Variants in PAFAH1B2 observed in about 807,000 individuals in gnomAD.
PAFAH1B2 encodes platelet-activating factor acetylhydrolase IB subunit alpha2.
PAFAH1B2 carries 8 observed loss-of-function variants against 28.0 expected under a neutral mutation model. That is an observed-to-expected ratio of 0.29 (90% CI 0.17 to 0.52). The LOEUF is 0.52. PAFAH1B2 is among the 20% of genes least tolerant of loss of function. The probability of loss-of-function intolerance (pLI) is 0.97; values close to 1 mark genes in which losing one functional copy is unlikely to be tolerated. For missense variants in PAFAH1B2, 190 were observed against 282.6 expected (o/e 0.67, Z 2.35); for synonymous variants, 104 against 103.2 (o/e 1.01, Z -0.05).
chr11:117,164,540 G>A (rs1956456478), intron 5 of PAFAH1B2, among the ~76,000 whole-genome samples: 1 of 152,086 alleles, frequency 6.6e-6, no homozygotes, highest in East Asian at 1.9e-4. Flanking sequence ...GGATTACTTT[G>A]TAAGTGTCCT....
intron 1 of PAFAH1B2, among the ~76,000 whole-genome samples, chr11:117,146,117 T>TC (rs1335435096): frequency 9.3e-3 from 118 of 12,736 alleles, no homozygotes; most frequent in African/African-American, 0.021. Flanking sequence ...TTTCTTTCTT[T>TC]TTTTTTTTTT....
In PAFAH1B2 at chr11:117,168,111, C is replaced by T. The variant is rs1956554095; in HGVS notation, c.*412C>T. On this transcript the variant is annotated 3_prime_UTR_variant, in exon 6 of 6. Transcript: ENST00000527958. ...TCTACTTGGCTTTAAAACATGTTTT[C>T]TCCAATTTTTTTAAGGTTCATAATT... 2 of 1,054,940 alleles carry T rather than the reference C, an allele frequency of 1.9e-6. No individual in the cohort carries two copies. Among genetic ancestry groups the T allele is most frequent in the Admixed American group, 5.4e-5 (1 of 18,490 alleles). 65.3% of individuals were successfully genotyped at this position (1,054,940 alleles called of 1,614,324 possible).
At chr11:117,158,901 TC>T (rs1956311539) in intron 2 of PAFAH1B2, among the ~76,000 whole-genome samples, 1 of 152,178 alleles carries the variant, frequency 6.6e-6, no homozygotes, top group Admixed American at 6.6e-5. Context: ...CACCCTGGCC[TC>T]CCAAAGTGCT....
downstream of PAFAH1B2, chr11:117,175,179 C>G (rs1055429266): frequency 4.6e-5 from 52 of 1,138,728 alleles, no homozygotes; most frequent in Admixed American, 9.7e-5. Flanking sequence ...GGGTTGAGCT[C>G]TTTGTATATT....
chr11:117,158,360 G>A (rs1247572415), intron 2 of PAFAH1B2, among the ~76,000 whole-genome samples: 29 of 151,372 alleles, frequency 1.9e-4, no homozygotes, highest in Non-Finnish European at 1.5e-5. Context: ...ATTTTAGAGA[G>A]TGTCTTGTGC....
At chr11:117,146,099 G>C (rs1955997785) in intron 1 of PAFAH1B2, among the ~76,000 whole-genome samples, 1 of 145,004 alleles carries the variant, frequency 6.9e-6, no homozygotes, top group African/African-American at 2.5e-5. Flanking sequence ...TTTGCATTCT[G>C]CTTGGTCTTT....
chr11:117,173,585 A>G (rs1289399571), downstream of PAFAH1B2, among the ~76,000 whole-genome samples: 1 of 152,144 alleles, frequency 6.6e-6, no homozygotes, highest in Non-Finnish European at 1.5e-5. Context: ...TCGCCTCCTT[A>G]TGTGCCAGGG....
intron 4 of PAFAH1B2, among the ~76,000 whole-genome samples, chr11:117,161,592 T>G (rs1186626869): frequency 6.7e-6 from 1 of 149,326 alleles, no homozygotes; most frequent in Admixed American, 6.7e-5. Context: ...CACTGCAACC[T>G]CCGCCTCCTG....
chr11:117,152,847 C>T (rs924312885), intron 2 of PAFAH1B2, among the ~76,000 whole-genome samples: 2 of 152,140 alleles, frequency 1.3e-5, no homozygotes, highest in African/African-American at 4.8e-5. Flanking sequence ...CCGAGGTGGG[C>T]GGATCACAAG....
At chr11:117,152,360 A>T in intron 1 of PAFAH1B2, 81 bp from the exon 2 acceptor site, 1 of 783,606 alleles carries the variant, frequency 1.3e-6, no homozygotes, top group Non-Finnish European at 2.2e-6. Flanking sequence ...ATTATTATTT[A>T]AAGCCTGATG....
chr11:117,144,853 T>C (rs1221455782), intron 1 of PAFAH1B2, among the ~76,000 whole-genome samples: 2 of 151,854 alleles, frequency 1.3e-5, no homozygotes, highest in Admixed American at 6.6e-5. Context: ...CGCTGCTGCC[T>C]TTTCCCTTTA....
chr11:117,144,550 A>G (rs1242108732), intron 1 of PAFAH1B2, 132 bp downstream of exon 1: 1 of 121,972 alleles, frequency 8.2e-6, no homozygotes, highest in Non-Finnish European at 1.7e-5. Context: ...ACGCCGCCCC[A>G]TCCACTTGGG....
chr11:117,158,314 A>AT (rs1956297586), intron 2 of PAFAH1B2, among the ~76,000 whole-genome samples: 1 of 152,012 alleles, frequency 6.6e-6, no homozygotes, highest in African/African-American at 2.4e-5. Flanking sequence ...AAGTGCTAAG[A>AT]TTATGGACAT....
rs1489839276 is a variant in PAFAH1B2, at chr11:117,170,502, C to T, written c.*2803C>T. The T allele has an allele frequency of 1.9e-6, 2 of 1,059,564 alleles. No homozygotes were observed. Among genetic ancestry groups the T allele is most frequent in the Non-Finnish European group, 2.3e-6 (2 of 876,182 alleles). 65.6% of individuals were successfully genotyped at this position (1,059,564 alleles called of 1,614,324 possible). A position where few individuals can be genotyped will look rare whatever the true frequency, so the allele number is the denominator to read the frequency against. On this transcript the variant is annotated 3_prime_UTR_variant, in exon 6 of 6. Transcript: ENST00000527958. ...GTCGCCGTAGACAGCGCTCTGGCTA[C>T]CACCGTGAGGCTACTTGAACTGTCA...
chr11:117,155,350 C>A (rs1347728733), intron 2 of PAFAH1B2, among the ~76,000 whole-genome samples: 1 of 152,110 alleles, frequency 6.6e-6, no homozygotes, highest in Non-Finnish European at 1.5e-5. Context: ...GGCTCAGCAG[C>A]AGACTAAGGA....
At chr11:117,157,443 G>A (rs1453188063) in intron 2 of PAFAH1B2, among the ~76,000 whole-genome samples, 1 of 152,132 alleles carries the variant, frequency 6.6e-6, no homozygotes, top group Non-Finnish European at 1.5e-5. Flanking sequence ...CACCTGACCA[G>A]AGGTGTTTTC....
intron 2 of PAFAH1B2, 66 bp downstream of exon 2, chr11:117,152,594 T>C (rs1956176592): frequency 8.3e-7 from 1 of 1,200,512 alleles, no homozygotes; most frequent in Admixed American, 1.7e-5. Context: ...TGTTTTGTTT[T>C]AGTTTTTGAG....
At chr11:117,159,856 G>A (rs981606267) in intron 2 of PAFAH1B2, 78 bp from the exon 3 acceptor site, 14 of 991,314 alleles carry the variant, frequency 1.4e-5, no homozygotes, top group Non-Finnish European at 2.3e-5. Context: ...CTCCCAAAAT[G>A]TTGAGAGTTC....
chr11:117,154,826 A>T (rs1248367864), intron 2 of PAFAH1B2, among the ~76,000 whole-genome samples: 1 of 152,112 alleles, frequency 6.6e-6, no homozygotes, highest in Admixed American at 6.6e-5. Context: ...TAGTCTGGGG[A>T]TGGAGTGGGG....
Sources: gnomAD v4.1 joint callset for allele counts (sites outside exome capture counted in the v4.1 genomes callset) on GRCh38, gnomAD v4.1.1 for gene constraint, MANE v1.5 for transcripts, NCBI Gene and HGNC (gene_info 2026-07-23, HGNC 2026-07-21) for gene names.